Variants in ROBO1 observed in about 807,000 individuals in gnomAD.
ROBO1 encodes roundabout homolog 1.
In ROBO1, 149 loss-of-function variants were observed where a neutral mutation model predicts 195.9. The ratio of observed to expected loss-of-function variants is 0.76; its 90% confidence interval spans 0.67 to 0.87. The LOEUF is 0.87. Among genes scored for constraint, ROBO1 ranks in the 40% least tolerant of loss-of-function variants. The pLI is 0.00. For synonymous variants in ROBO1, 816 were observed against 733.2 expected (o/e 1.11, Z -1.82); for missense variants, 1,933 against 2,068.3 (o/e 0.93, Z 1.27).
At chr3:79,739,813 C>G (rs539110278) in intron 1 of ROBO1, among the ~76,000 whole-genome samples, 63 of 151,922 alleles carry the variant, frequency 4.1e-4, no homozygotes, top group Non-Finnish European at 8.5e-4. Flanking sequence ...AATAATTTTC[C>G]TAGGATACAC....
At chr3:79,580,397 C>G (rs1943621421) in intron 2 of ROBO1, among the ~76,000 whole-genome samples, 1 of 151,904 alleles carries the variant, frequency 6.6e-6, no homozygotes, top group South Asian at 2.1e-4. Flanking sequence ...TCACTTGGAC[C>G]CTTGAGCCCA....
chr3:78,833,071 A>G (rs2032373891), intron 4 of ROBO1, among the ~76,000 whole-genome samples: 1 of 152,076 alleles, frequency 6.6e-6, no homozygotes, highest in South Asian at 2.1e-4. Flanking sequence ...AAACAAGTAA[A>G]TGATGTGGTC....
chr3:78,903,494 T>C (rs1314006816), intron 4 of ROBO1, among the ~76,000 whole-genome samples: 2 of 148,738 alleles, frequency 1.3e-5, no homozygotes, highest in Non-Finnish European at 3.0e-5. Context: ...AAAAAAAAAG[T>C]ATAAAAAGAA....
At chr3:78,760,354 A>G (rs2083065756) in intron 4 of ROBO1, among the ~76,000 whole-genome samples, 1 of 152,194 alleles carries the variant, frequency 6.6e-6, no homozygotes, top group Non-Finnish European at 1.5e-5. Context: ...AAATTTATGT[A>G]TAATTTTAGG....
At chr3:79,185,118 C>T (rs947680734) in intron 2 of ROBO1, among the ~76,000 whole-genome samples, 6 of 152,066 alleles carry the variant, frequency 3.9e-5, no homozygotes, top group East Asian at 1.9e-4. Context: ...AGGAAGCACA[C>T]GTACAACAAC....
intron 3 of ROBO1, among the ~76,000 whole-genome samples, chr3:79,087,527 C>A (rs1423392138): frequency 2.6e-5 from 4 of 151,674 alleles, no homozygotes; most frequent in Admixed American, 6.6e-5. Context: ...TCCTTCCTTT[C>A]CTTCCTTCCT....
At chr3:79,298,753 TACTC>T (rs1344000082) in intron 2 of ROBO1, among the ~76,000 whole-genome samples, 3 of 152,250 alleles carry the variant, frequency 2.0e-5, no homozygotes, top group Non-Finnish European at 2.9e-5. Context: ...TGTAAACAGA[TACTC>T]AATTATTTTT....
intron 3 of ROBO1, among the ~76,000 whole-genome samples, chr3:79,075,017 T>A (rs1001588929): frequency 1.3e-5 from 2 of 151,962 alleles, no homozygotes; most frequent in Non-Finnish European, 2.9e-5. Flanking sequence ...GATATTAATA[T>A]GGAATAACTA....
intron 27 of ROBO1, among the ~76,000 whole-genome samples, 172 bp from the exon 28 acceptor site, chr3:78,614,972 C>T (rs1200207369): frequency 6.6e-6 from 1 of 152,108 alleles, no homozygotes; most frequent in Non-Finnish European, 1.5e-5. Context: ...TGTCACTCTG[C>T]TATTTACTGG....
intron 2 of ROBO1, among the ~76,000 whole-genome samples, chr3:79,161,554 A>G (rs1356466691): frequency 6.6e-6 from 1 of 152,160 alleles, no homozygotes; most frequent in East Asian, 1.9e-4. Flanking sequence ...ATGTCATTGA[A>G]AAAGTAAATA....
chr3:79,335,565 C>T (rs1190579470), intron 2 of ROBO1, among the ~76,000 whole-genome samples: 1 of 152,130 alleles, frequency 6.6e-6, no homozygotes. Flanking sequence ...TATTTGCTTC[C>T]CCTTCTGCCA....
At chr3:79,148,822 C>T (rs2080707257) in intron 2 of ROBO1, among the ~76,000 whole-genome samples, 1 of 151,872 alleles carries the variant, frequency 6.6e-6, no homozygotes, top group African/African-American at 2.4e-5. Context: ...TAAGAATGAT[C>T]AATTAGATTA....
At chr3:79,350,695 C>A (rs1030645598) in intron 2 of ROBO1, among the ~76,000 whole-genome samples, 4 of 152,030 alleles carry the variant, frequency 2.6e-5, no homozygotes, top group African/African-American at 9.7e-5. Context: ...TCACAAAACA[C>A]CTATATATGA....
At chr3:79,141,567 G>GTTTTTT (rs11315738) in intron 2 of ROBO1, among the ~76,000 whole-genome samples, 1 of 139,410 alleles carries the variant, frequency 7.2e-6, no homozygotes, top group Non-Finnish European at 1.5e-5. Flanking sequence ...TGCTGTTGTT[G>GTTTTTT]TTTTTTTTTT....
intron 4 of ROBO1, among the ~76,000 whole-genome samples, chr3:78,858,615 T>C (rs913668249): frequency 1.4e-5 from 2 of 145,978 alleles, no homozygotes; most frequent in African/African-American, 5.1e-5. Context: ...CTGGGCATGG[T>C]AGCGCAGGCT....
intron 10 of ROBO1, among the ~76,000 whole-genome samples, chr3:78,683,603 T>A (rs993599907): frequency 6.6e-6 from 1 of 151,870 alleles, no homozygotes; most frequent in African/African-American, 2.4e-5. Flanking sequence ...TAAAATAGAA[T>A]AAATAGACCA....
chr3:79,300,166 C>T (rs1576942682), intron 2 of ROBO1, among the ~76,000 whole-genome samples: 2 of 152,184 alleles, frequency 1.3e-5, no homozygotes, highest in African/African-American at 2.4e-5. Flanking sequence ...GGAGCCCCTT[C>T]CTGGGCTGGC....
intron 2 of ROBO1, among the ~76,000 whole-genome samples, chr3:79,489,665 A>G (rs1393446454): frequency 6.6e-6 from 1 of 151,946 alleles, no homozygotes; most frequent in African/African-American, 2.4e-5. Flanking sequence ...AAAAAAAAAA[A>G]AAAAGAAAGA....
rs190434801 is a variant in ROBO1 at position 79,026,911 on chromosome 3, A to T, written c.173-87984T>A. On this transcript the variant is annotated intron_variant, in intron 3 of 30. Transcript: ENST00000464233. ...TGCTTTTGGTTTTTCATTGCTTTTT[A>T]AAAAAAAATCCTTCCAATAAATGTT... Among the ~76,000 whole-genome samples the T allele has an allele frequency of 5.8e-3, 876 of 151,600 alleles. 7 individuals are homozygous for T. Among genetic ancestry groups the T allele is most frequent in the South Asian group, 0.022 (107 of 4,794 alleles).
Sources: allele counts gnomAD v4.1 joint callset (sites outside exome capture counted in the v4.1 genomes callset), GRCh38; gene constraint gnomAD v4.1.1; transcripts MANE v1.5; gene names NCBI Gene and HGNC (gene_info 2026-07-23, HGNC 2026-07-21).